Variants in MSI2 observed in about 807,000 individuals in gnomAD.
The protein encoded by MSI2 is RNA-binding protein Musashi homolog 2.
A neutral mutation model predicts 45.6 loss-of-function variants in MSI2; 17 were observed. The ratio of observed to expected loss-of-function variants is 0.37; its 90% CI spans 0.26 to 0.56. The LOEUF (loss-of-function observed/expected upper bound fraction) is 0.56. Among genes scored for constraint, MSI2 ranks in the 20% least tolerant of loss-of-function variants. The pLI, the probability that MSI2 is intolerant of heterozygous loss-of-function variation, is 0.77. For missense variants in MSI2, 293 were observed against 444.2 expected (o/e 0.66, Z 3.06); for synonymous variants, 156 against 158.2 (o/e 0.99, Z 0.11).
intron 6 of MSI2, among the ~76,000 whole-genome samples, chr17:57,405,777 A>G (rs1280557602): frequency 6.6e-6 from 1 of 152,220 alleles, no homozygotes; most frequent in African/African-American, 2.4e-5. Context: ...AGGTTTTACT[A>G]TGAAGATCCT....
chr17:57,295,578 A>G (rs1191967977), intron 5 of MSI2, among the ~76,000 whole-genome samples: 1 of 152,112 alleles, frequency 6.6e-6, no homozygotes, highest in Non-Finnish European at 1.5e-5. Context: ...TCTGTTAAGG[A>G]ATAGACTTAT....
At chr17:57,553,438 G>C (rs1375204556) in intron 7 of MSI2, among the ~76,000 whole-genome samples, 1 of 152,174 alleles carries the variant, frequency 6.6e-6, no homozygotes, top group Non-Finnish European at 1.5e-5. Context: ...GGTGGGAGGG[G>C]GATTGGGACA....
At chr17:57,440,794 A>G (rs2084785965) in intron 6 of MSI2, 2 of 152,286 alleles carry the variant, frequency 1.3e-5, no homozygotes, top group Admixed American at 1.3e-4. Context: ...TGGTCCGCCA[A>G]GAGGCCACAG....
intron 6 of MSI2, among the ~76,000 whole-genome samples, chr17:57,411,282 C>T (rs1040110242): frequency 1.3e-5 from 2 of 152,238 alleles, no homozygotes; most frequent in South Asian, 2.1e-4. Flanking sequence ...GTTGGGATTA[C>T]AGGCGTGAGC....
chr17:57,577,924 T>C (rs1039206803), intron 7 of MSI2, among the ~76,000 whole-genome samples: 1 of 152,092 alleles, frequency 6.6e-6, no homozygotes, highest in African/African-American at 2.4e-5. Context: ...AACATCTCTT[T>C]CCTCCCCCAC....
chr17:57,608,666 G>A (rs1034540486), intron 8 of MSI2, among the ~76,000 whole-genome samples: 5 of 152,228 alleles, frequency 3.3e-5, no homozygotes, highest in Non-Finnish European at 7.3e-5. Context: ...AGTCATTGTT[G>A]GTCAAAGGAC....
intron 5 of MSI2, among the ~76,000 whole-genome samples, chr17:57,329,122 C>T (rs1914054543): frequency 6.6e-6 from 1 of 152,120 alleles, no homozygotes; most frequent in East Asian, 1.9e-4. Flanking sequence ...GACAGTAGTA[C>T]CCAGTAATGA....
chr17:57,272,111 T>C (rs889849738), intron 5 of MSI2, among the ~76,000 whole-genome samples: 21 of 152,216 alleles, frequency 1.4e-4, no homozygotes, highest in Non-Finnish European at 2.8e-4. Context: ...GAGTGTTTCC[T>C]TCTGCATGCT....
chr17:57,574,678 GTC>G (rs1336839105), intron 7 of MSI2, among the ~76,000 whole-genome samples: 1 of 152,182 alleles, frequency 6.6e-6, no homozygotes, highest in Non-Finnish European at 1.5e-5. Context: ...TAGGGCAAGG[GTC>G]TCTCTCTGAG....
chr17:57,490,724 G>T (rs2085853642), intron 6 of MSI2, among the ~76,000 whole-genome samples: 1 of 152,200 alleles, frequency 6.6e-6, no homozygotes, highest in Non-Finnish European at 1.5e-5. Flanking sequence ...TTGGTGAGAT[G>T]CCCTGATGTT....
chr17:57,339,658 A>G (rs1348455470), intron 5 of MSI2, among the ~76,000 whole-genome samples: 1 of 151,986 alleles, frequency 6.6e-6, no homozygotes, highest in Non-Finnish European at 1.5e-5. Flanking sequence ...ATTCTTTGGG[A>G]CATTTTCTCT....
At chr17:57,619,859 C>A (rs552674797) in intron 9 of MSI2, among the ~76,000 whole-genome samples, 11 of 152,338 alleles carry the variant, frequency 7.2e-5, no homozygotes, top group African/African-American at 2.6e-4. Flanking sequence ...CTTCCCCAAG[C>A]CACAGTAAAG....
intron 6 of MSI2, among the ~76,000 whole-genome samples, chr17:57,403,301 T>C (rs1040045517): frequency 2.0e-5 from 3 of 152,216 alleles, no homozygotes; most frequent in African/African-American, 4.8e-5. Flanking sequence ...TTCCTTTCTG[T>C]ATTTCTGTTT....
At position 57,556,710 on chromosome 17, in the gene MSI2, A is replaced by G. The variant is rs535216568; in HGVS notation, c.454+26986A>G. 2.3e-3 allele frequency among the ~76,000 whole-genome samples: 355 copies of G among 152,314 alleles called. 6 individuals are homozygous for G. The highest frequency in any genetic ancestry group is 2.6e-4 in the Non-Finnish European group (18 of 68,032). ...GAGAGGCTTTGCAGAGGCTTGCGGC[A>G]CTATGACGAGGGTCACACCTGATGT... On this transcript the variant is annotated intron_variant, in intron 7 of 13. Transcript: ENST00000284073.
intron 6 of MSI2, among the ~76,000 whole-genome samples, chr17:57,473,064 T>C (rs754250707): frequency 4.6e-5 from 7 of 152,296 alleles, no homozygotes; most frequent in African/African-American, 7.2e-5. Flanking sequence ...AGCTAATTTT[T>C]GTACTTTTAG....
rs1913527425 is a variant in MSI2 at position 57,680,425 on chromosome 17, C to T, written c.*908C>T. On this transcript the variant is annotated 3_prime_UTR_variant, in exon 14 of 14. Coordinates refer to ENST00000284073, the MANE Select transcript of MSI2 (RefSeq NM_138962.4). The stretch of plus-strand genomic sequence containing the variant: ...AAAATATTTTTGTGAGGGAGTCGGT[C>T]CCAGGCAGTTTGATGCTCTGTGGAA... 4.4e-6 allele frequency: 1 copy of T among 229,020 alleles called. No individual in the cohort carries two copies. The highest frequency in any genetic ancestry group is 5.7e-5 in the Admixed American group (1 of 17,632). 14.2% of individuals were successfully genotyped at this position (229,020 alleles called of 1,614,324 possible).
intron 5 of MSI2, among the ~76,000 whole-genome samples, chr17:57,282,961 G>T (rs1278279460): frequency 1.3e-5 from 2 of 151,822 alleles, no homozygotes; most frequent in African/African-American, 2.4e-5. Flanking sequence ...AGTCCTTCTG[G>T]CAGGGCGATT....
chr17:57,693,191 T>C, the MSI2 span, among the ~76,000 whole-genome samples: 2 of 151,974 alleles, frequency 1.3e-5, no homozygotes, highest in African/African-American at 4.8e-5. Context: ...TTCTTTTTTC[T>C]TTTCTTTTTG....
chr17:57,312,139 C>T (rs1398610610), intron 5 of MSI2, among the ~76,000 whole-genome samples: 2 of 152,174 alleles, frequency 1.3e-5, no homozygotes, highest in Non-Finnish European at 2.9e-5. Flanking sequence ...GGGAGAGGCC[C>T]TTGGCCTTGC....
Sources: allele counts gnomAD v4.1 joint callset (sites outside exome capture counted in the v4.1 genomes callset), GRCh38; gene constraint gnomAD v4.1.1; transcripts MANE v1.5; gene names NCBI Gene and HGNC (gene_info 2026-07-23, HGNC 2026-07-21).